The following ZNF766 variants were observed in gnomAD, a reference collection of about 807,000 sequenced individuals.
ZNF766 encodes the protein zinc finger protein 766.
Under a neutral mutation model 13.2 loss-of-function variants are expected in ZNF766, and 13 were observed. The observed-to-expected ratio is 0.98, with a 90% CI of 0.64 to 1.56. The LOEUF (loss-of-function observed/expected upper bound fraction) is 1.56. Ranked by LOEUF, ZNF766 falls within the 40% of genes most tolerant of loss-of-function variation. The pLI, the probability that ZNF766 is intolerant of heterozygous loss-of-function variation, is 0.00. For synonymous variants in ZNF766, 178 were observed against 187.6 expected (o/e 0.95, Z 0.42); for missense variants, 521 against 552.2 (o/e 0.94, Z 0.57).
intron 1 of ZNF766, among the ~76,000 whole-genome samples, chr19:52,277,915 T>G (rs1350280362): frequency 5.9e-5 from 9 of 151,896 alleles, no homozygotes; most frequent in Non-Finnish European, 1.3e-4. Context: ...AATCACCTAT[T>G]AATGTGCACA....
chr19:52,277,331 C>T (rs969490525), intron 1 of ZNF766: 3 of 917,846 alleles, frequency 3.3e-6, no homozygotes, highest in South Asian at 1.8e-5. Flanking sequence ...TGTTGGCGGG[C>T]ACCTGTAGTC....
chr19:52,285,889 G>A lies in ZNF766; in HGVS notation c.274+2476G>A, dbSNP rs1239084002. 2.0e-5 allele frequency among the ~76,000 whole-genome samples: 3 copies of A among 152,174 alleles called. No individual in the cohort carries two copies. In the East Asian group the frequency reaches 5.8e-4, roughly 29 times the overall value. On this transcript the variant is annotated intron_variant, in intron 3 of 3. Transcript: ENST00000439461. The stretch of plus-strand genomic sequence containing the variant: ...TAACCCAACATTATACCCAAAGACT[G>A]TAGCAAGGGCTATGGGAGTTATGAG...
intron 3 of ZNF766, among the ~76,000 whole-genome samples, chr19:52,287,331 C>T (rs753929723): frequency 1.3e-5 from 2 of 151,936 alleles, no homozygotes; most frequent in Non-Finnish European, 2.9e-5. Flanking sequence ...TTAGTAGAGA[C>T]GGGGTTTCAC....
intron 3 of ZNF766, 43 bp from the exon 4 acceptor site, chr19:52,290,023 C>T (rs1163832159): frequency 1.3e-6 from 2 of 1,539,342 alleles, no homozygotes; most frequent in Non-Finnish European, 1.7e-6. Context: ...AAAAACATGC[C>T]AGAACCATGG....
At position 52,295,486 on chromosome 19, in the gene ZNF766, G is replaced by C. The variant is rs1982308330; in HGVS notation, c.*4288G>C. The C allele has an allele frequency of 6.6e-6, 1 of 152,186 alleles. No homozygotes were observed. Among genetic ancestry groups the C allele is most frequent in the South Asian group, 2.1e-4 (1 of 4,826 alleles). 9.4% of individuals were successfully genotyped at this position (152,186 alleles called of 1,614,324 possible). ...AGGCATGAGCCACCATGCCCGGCCA[G>C]ATGCTATGCTTAATACATTTTTTCC... is the stretch of plus-strand genomic sequence containing the variant. On this transcript the variant is annotated 3_prime_UTR_variant, in exon 4 of 4. Transcript: ENST00000439461.
Position 52,276,857 on chromosome 19 carries a change from G to A in ZNF766, c.19-5254G>A, listed in dbSNP as rs1981227076. Among the ~76,000 whole-genome samples the A allele has an allele frequency of 2.6e-5, 4 of 152,310 alleles. No homozygotes were observed. The South Asian group carries it at 8.3e-4, about 32-fold the overall frequency. ...AAGAGGTGAGGGGGTGCTGTGCTCT[G>A]CATGGGGTTTGGTCAGAGCCAGGTC... On this transcript the variant is annotated intron_variant, in intron 1 of 3. Coordinates refer to ENST00000439461, the MANE Select transcript of ZNF766 (RefSeq NM_001010851.3).
At chr19:52,277,994 C>T (rs1981297154) in intron 1 of ZNF766, among the ~76,000 whole-genome samples, 2 of 131,890 alleles carry the variant, frequency 1.5e-5, no homozygotes, top group South Asian at 2.3e-4. Flanking sequence ...TTTTTGGAGA[C>T]AAGAGTCTTG....
Position 52,278,544 on chromosome 19 carries a change from C to T in ZNF766, c.19-3567C>T, listed in dbSNP as rs559728215. On this transcript the variant is annotated intron_variant, in intron 1 of 3. Coordinates refer to ENST00000439461, the MANE Select transcript of ZNF766 (RefSeq NM_001010851.3). ...TCAGCCTCCCGAGTAGCTGGGACTA[C>T]AGGCCCCTGCCAGCACACTCAGCTA... Among the ~76,000 whole-genome samples the T allele has an allele frequency of 3.3e-5, 5 of 152,240 alleles. No homozygotes were observed. The South Asian group carries it at 1.0e-3, about 32-fold the overall frequency.
At position 52,269,629 on chromosome 19, in the gene ZNF766, C is replaced by T; in HGVS notation, c.16C>T (p.Arg6Cys). ...GCGTGGAGATATGGCGCAACTGCGG[C>T]GCGTGAGTTTTCCTTTGTTTAGATT... MAQLR[R>C]GHLTFRDVAI... The change falls in exon 1 of 4, where the codon CGC becomes TGC. Residue 6 changes from arginine (R) to cysteine (C), a missense_variant and splice_region_variant. Arg to Cys is a radical substitution (Grantham distance 180). Transcript: ENST00000439461. The T allele has an allele frequency of 6.2e-7, 1 of 1,612,858 alleles. No homozygotes were observed. Among genetic ancestry groups the T allele is most frequent in the Non-Finnish European group, 8.5e-7 (1 of 1,179,658 alleles).
At chr19:52,271,564 C>A (rs948318795) in intron 1 of ZNF766, among the ~76,000 whole-genome samples, 1 of 152,200 alleles carries the variant, frequency 6.6e-6, no homozygotes, top group African/African-American at 2.4e-5. Flanking sequence ...TACTCACAGT[C>A]TCAGGACAGT....
At chr19:52,277,752 T>A (rs1400667356) in intron 1 of ZNF766, among the ~76,000 whole-genome samples, 1 of 151,840 alleles carries the variant, frequency 6.6e-6, no homozygotes, top group African/African-American at 2.4e-5. Context: ...GCACTGGGCG[T>A]GATCCTGGGA....
rs954867120 is a variant in ZNF766 at position 52,291,852 on chromosome 19, G to A, written c.*654G>A. On this transcript the variant is annotated 3_prime_UTR_variant, in exon 4 of 4. Coordinates refer to ENST00000439461, the MANE Select transcript of ZNF766 (RefSeq NM_001010851.3). ...CACAATAGAAAGCCAAGACAGGAGG[G>A]TCACTTGATGCCTGGAGATCAAGAT... is the stretch of plus-strand genomic sequence containing the variant. 2.4e-5 allele frequency: 8 copies of A among 333,548 alleles called. No homozygotes were observed. Among genetic ancestry groups the A allele is most frequent in the African/African-American group, 8.5e-5 (4 of 47,034 alleles). 20.7% of individuals were successfully genotyped at this position (333,548 alleles called of 1,614,324 possible).
Position 52,269,959 on chromosome 19 carries a change from G to C in ZNF766, c.18+328G>C, listed in dbSNP as rs555175155. On this transcript the variant is annotated intron_variant, in intron 1 of 3. Coordinates refer to ENST00000439461, the MANE Select transcript of ZNF766 (RefSeq NM_001010851.3). ...CCGGGTCCCAAGCCTCGTCCTTGTCGGCCCCTGGGGCGCAGCGCCGCAGCC... is the reference window on the plus strand; with the variant it reads ...CCGGGTCCCAAGCCTCGTCCTTGTCCGCCCCTGGGGCGCAGCGCCGCAGCC... 5.2e-3 allele frequency among the ~76,000 whole-genome samples: 788 copies of C among 152,216 alleles called. 4 individuals are homozygous for C. The highest frequency in any genetic ancestry group is 8.2e-3 in the Non-Finnish European group (559 of 68,020).
At chr19:52,283,949 G>A (rs973087895) in intron 3 of ZNF766, among the ~76,000 whole-genome samples, 1 of 152,318 alleles carries the variant, frequency 6.6e-6, no homozygotes, top group African/African-American at 2.4e-5. Flanking sequence ...TGTTAGCCAG[G>A]ATGGTCTCAA....
Position 52,290,142 on chromosome 19 carries a change from T to A in ZNF766, c.351T>A (p.Pro117=), listed in dbSNP as rs375630497. Residue 117 remains proline (P), a synonymous_variant, in exon 4 of 4, where the codon CCT becomes CCA. Coordinates refer to ENST00000439461, the MANE Select transcript of ZNF766 (RefSeq NM_001010851.3). ...TNQLGLTFQL[P]LPELEIFQGE... ...AACTTGGATTAACCTTTCAGTTACC[T>A]CTGCCAGAACTGGAGATATTTCAAG... 1 of 1,614,172 alleles carries A rather than the reference T, an allele frequency of 6.2e-7. No homozygotes were observed. The highest frequency in any genetic ancestry group is 8.5e-7 in the Non-Finnish European group (1 of 1,179,986).
chr19:52,278,092 C>T (rs1981304335), intron 1 of ZNF766, among the ~76,000 whole-genome samples: 1 of 151,712 alleles, frequency 6.6e-6, no homozygotes, highest in Admixed American at 6.6e-5. Flanking sequence ...CCCACCTCAG[C>T]CTCTTGAGTA....
chr19:52,270,377 C>A (rs1980924384), intron 1 of ZNF766, among the ~76,000 whole-genome samples: 1 of 152,020 alleles, frequency 6.6e-6, no homozygotes, highest in South Asian at 2.1e-4. Context: ...GTGAAAGAAG[C>A]ACCCCAGGAA....
intron 1 of ZNF766, chr19:52,281,850 C>T (rs1469074449): frequency 3.7e-6 from 2 of 540,570 alleles, no homozygotes; most frequent in African/African-American, 3.8e-5. Flanking sequence ...TTGGCGTCTT[C>T]AGAGACACTT....
chr19:52,283,151 T>A, intron 2 of ZNF766, 134 bp from the exon 3 acceptor site: 1 of 1,060,830 alleles, frequency 9.4e-7, no homozygotes, highest in Non-Finnish European at 1.3e-6. Flanking sequence ...CATCTGTTGC[T>A]TGCTGACTTT....
Sources: gnomAD v4.1 joint callset for allele counts (sites outside exome capture counted in the v4.1 genomes callset) on GRCh38, gnomAD v4.1.1 for gene constraint, MANE v1.5 for transcripts, NCBI Gene and HGNC (gene_info 2026-07-23, HGNC 2026-07-21) for gene names.